Variants in OSBPL3 observed in about 807,000 individuals in gnomAD.
The protein encoded by OSBPL3 is oxysterol-binding protein-related protein 3.
A neutral mutation model predicts 120.1 loss-of-function variants in OSBPL3; 65 were observed. The ratio of observed to expected loss-of-function variants is 0.54; its 90% CI spans 0.44 to 0.67. The LOEUF is 0.67. Among genes scored for constraint, OSBPL3 ranks in the 30% least tolerant of loss-of-function variants. The pLI is 0.00. For missense variants in OSBPL3, 1,004 were observed against 1,082.1 expected (o/e 0.93, Z 1.01); for synonymous variants, 416 against 402.6 (o/e 1.03, Z -0.40).
chr7:24,951,524 C>G (rs780255283), intron 1 of OSBPL3, among the ~76,000 whole-genome samples: 1 of 152,136 alleles, frequency 6.6e-6, no homozygotes, highest in East Asian at 1.9e-4. Context: ...GGAAAGAAAT[C>G]TGGTTTACAA....
chr7:24,908,982 T>C (rs1335944655), intron 1 of OSBPL3, among the ~76,000 whole-genome samples: 1 of 152,204 alleles, frequency 6.6e-6, no homozygotes, highest in African/African-American at 2.4e-5. Flanking sequence ...TGCGTGTCCT[T>C]TTCAAGCACA....
intron 12 of OSBPL3, among the ~76,000 whole-genome samples, chr7:24,844,086 T>C (rs1408473540): frequency 6.6e-6 from 1 of 152,226 alleles, no homozygotes; most frequent in African/African-American, 2.4e-5. Context: ...GGCATCTTCT[T>C]ATATGTACTG....
At chr7:24,840,102 T>C in intron 14 of OSBPL3, among the ~76,000 whole-genome samples, 1 of 151,282 alleles carries the variant, frequency 6.6e-6, no homozygotes. Flanking sequence ...AGCAGACAAA[T>C]TTATTTGAAT....
chr7:24,836,991 T>C (rs1369990392), intron 14 of OSBPL3, among the ~76,000 whole-genome samples: 1 of 152,046 alleles, frequency 6.6e-6, no homozygotes, highest in Non-Finnish European at 1.5e-5. Flanking sequence ...CACACCAACA[T>C]GCCTGGCTAA....
intron 13 of OSBPL3, among the ~76,000 whole-genome samples, chr7:24,841,860 A>G (rs1562808314): frequency 6.6e-6 from 1 of 151,740 alleles, no homozygotes; most frequent in Non-Finnish European, 1.5e-5. Context: ...TAAAAACACA[A>G]AAATTAGCCA....
chr7:24,963,837 T>C (rs796389572), intron 1 of OSBPL3, among the ~76,000 whole-genome samples: 4 of 152,334 alleles, frequency 2.6e-5, no homozygotes, highest in African/African-American at 9.6e-5. Context: ...GAAATCAATT[T>C]AGTGGATCAA....
rs146162909 is a variant in OSBPL3, at chr7:24,830,551, G to GC, written c.1884+216dup. ...GGACACCGGCAATGCATGTAGCCAA[G>GC]CAAGTGTGCAGAATTACGGGTGGTA... On this transcript the variant is annotated intron_variant, in intron 16 of 22. Transcript: ENST00000313367. This position sits in a 1 kb window ranked among gnomAD's most constrained non-coding sequence, Gnocchi z 4.4. Among the ~76,000 whole-genome samples, 1,039 of 152,284 alleles carry GC rather than the reference G, an allele frequency of 6.8e-3. 15 individuals are homozygous for GC. The highest frequency in any genetic ancestry group is 0.023 in the African/African-American group (970 of 41,544).
intron 1 of OSBPL3, 86 bp downstream of exon 1, chr7:24,979,800 C>A (rs1818061190): frequency 2.5e-6 from 2 of 792,740 alleles, no homozygotes; most frequent in Non-Finnish European, 3.1e-6. Context: ...CCGCGGCGCC[C>A]CGCAAACAGC....
intron 10 of OSBPL3, among the ~76,000 whole-genome samples, chr7:24,860,620 A>G (rs1259147949): frequency 2.0e-5 from 3 of 152,140 alleles, no homozygotes; most frequent in East Asian, 3.8e-4. Flanking sequence ...TTTATAAATT[A>G]CCCAGTTTCG....
chr7:24,917,403 T>TATATATATATATATATATATATTTGTAAC lies in OSBPL3; in HGVS notation c.-149-24783_-149-24782insGTTACAAATATATATATATATATATATAT, dbSNP rs1562924681. Among the ~76,000 whole-genome samples the TATATATATATATATATATATATTTGTAAC allele has an allele frequency of 6.3e-4, 48 of 76,088 alleles. 2 individuals carry two copies. The highest frequency in any genetic ancestry group is 1.4e-3 in the East Asian group (2 of 1,390). 49.9% of individuals were successfully genotyped at this position (76,088 alleles called of 152,430 possible). A position where few individuals can be genotyped will look rare whatever the true frequency, so the allele number is the denominator to read the frequency against. On this transcript the variant is annotated intron_variant, in intron 1 of 22. Coordinates refer to ENST00000313367, the MANE Select transcript of OSBPL3 (RefSeq NM_015550.4). ...GTAACATATATATATATTTGTAACA[T>TATATATATATATATATATATATTTGTAAC]ATATATATATATATATATATATATT... is the stretch of plus-strand genomic sequence containing the variant.
intron 1 of OSBPL3, among the ~76,000 whole-genome samples, chr7:24,895,124 A>T (rs1805948744): frequency 6.6e-6 from 1 of 152,198 alleles, no homozygotes; most frequent in Admixed American, 6.5e-5. Context: ...CCTCATCAGG[A>T]ATTTGGTTAA....
At position 24,851,733 on chromosome 7, in the gene OSBPL3, TA is replaced by T. The variant is rs58522303; in HGVS notation, c.1158+770del. On this transcript the variant is annotated intron_variant, in intron 11 of 22. Coordinates refer to ENST00000313367, the MANE Select transcript of OSBPL3 (RefSeq NM_015550.4). This position sits in a 1 kb window ranked among gnomAD's most constrained non-coding sequence, Gnocchi z 4.1. ...CTCTAGCCTCCTGATAGATTCAGGG[TA>T]AAAAAAAAAAAACGAGATAACTTTA... Among the ~76,000 whole-genome samples the T allele has an allele frequency of 4.2e-4, 61 of 143,662 alleles. No individual in the cohort carries two copies. The highest frequency in any genetic ancestry group is 1.2e-3 in the Admixed American group (17 of 14,540). The allele number at this position is 143,662 out of a possible 152,430, so 94.2% of individuals were successfully genotyped here. A position where few individuals can be genotyped will look rare whatever the true frequency, so the allele number is the denominator to read the frequency against.
rs1041914632 is a variant in OSBPL3 at position 24,940,321 on chromosome 7, T to A, written c.-150+39565A>T. On this transcript the variant is annotated intron_variant, in intron 1 of 22. Coordinates refer to ENST00000313367, the MANE Select transcript of OSBPL3 (RefSeq NM_015550.4). The surrounding 1 kb of genome is among the most constrained non-coding windows in gnomAD (Gnocchi z 4.4). ...AGTGGACTGTTGTGTTGAAACACAG[T>A]TGGAGAAAGAAATGAATCCTATAGA... Among the ~76,000 whole-genome samples the A allele has an allele frequency of 3.3e-5, 5 of 151,910 alleles. No individual in the cohort carries two copies. The highest frequency in any genetic ancestry group is 2.6e-4 in the Admixed American group (4 of 15,260).
At chr7:24,840,622 A>C (rs748847655) in intron 14 of OSBPL3, 68 bp downstream of exon 14, 3 of 646,562 alleles carry the variant, frequency 4.6e-6, no homozygotes, top group Non-Finnish European at 8.0e-6. Context: ...TTCAAGAGTC[A>C]ACTATACAAC....
rs1815485525 is a variant in OSBPL3, at chr7:24,959,606, C to T, written c.-150+20280G>A. Among the ~76,000 whole-genome samples, 1 of 152,184 alleles carries T rather than the reference C, an allele frequency of 6.6e-6. No homozygotes were observed. Among genetic ancestry groups the T allele is most frequent in the South Asian group, 2.1e-4 (1 of 4,832 alleles). ...TGTTTCTTGTTCTGGACGCTGGTTA[C>T]ACAGGTTATTTATCTTCTGAAAACT... On this transcript the variant is annotated intron_variant, in intron 1 of 22. Coordinates refer to ENST00000313367, the MANE Select transcript of OSBPL3 (RefSeq NM_015550.4). The surrounding 1 kb of genome is among the most constrained non-coding windows in gnomAD (Gnocchi z 4.3).
Position 24,972,232 on chromosome 7 carries a change from A to G in OSBPL3, c.-150+7654T>C, listed in dbSNP as rs1224416159. On this transcript the variant is annotated intron_variant, in intron 1 of 22. Transcript: ENST00000313367. The surrounding 1 kb of genome is among the most constrained non-coding windows in gnomAD (Gnocchi z 4.3). ...AGAGAGAAATTCAAAACCTCAAATCAAAAGAGGAGTTAAGGCCTCCTCCCA... is the reference window on the plus strand; with the variant it reads ...AGAGAGAAATTCAAAACCTCAAATCGAAAGAGGAGTTAAGGCCTCCTCCCA... 6.6e-6 allele frequency among the ~76,000 whole-genome samples: 1 copy of G among 152,208 alleles called. No homozygotes were observed. Among genetic ancestry groups the G allele is most frequent in the Non-Finnish European group, 1.5e-5 (1 of 68,044 alleles).
intron 1 of OSBPL3, among the ~76,000 whole-genome samples, chr7:24,935,842 CA>C (rs199821511): frequency 7.4e-5 from 11 of 149,410 alleles, no homozygotes; most frequent in Middle Eastern, 3.4e-3. Context: ...AGAAAAAGAC[CA>C]AAAAAAAGGT....
rs1229051214 is a variant in OSBPL3 at position 24,830,530 on chromosome 7, A to G, written c.1884+238T>C. Among the ~76,000 whole-genome samples the G allele has an allele frequency of 2.0e-5, 3 of 152,118 alleles. No homozygotes were observed. The highest frequency in any genetic ancestry group is 2.9e-5 in the Non-Finnish European group (2 of 68,034). ...GCTAATGATTTTAAAGAGAAAGGAC[A>G]CCGGCAATGCATGTAGCCAAGCAAG... On this transcript the variant is annotated intron_variant, in intron 16 of 22. Transcript: ENST00000313367. This position sits in a 1 kb window ranked among gnomAD's most constrained non-coding sequence, Gnocchi z 4.4.
In OSBPL3 at chr7:24,821,126, G is replaced by C. The variant is rs1475021313; in HGVS notation, c.1885-888C>G. 6.6e-6 allele frequency among the ~76,000 whole-genome samples: 1 copy of C among 152,180 alleles called. No individual in the cohort carries two copies. The highest frequency in any genetic ancestry group is 1.9e-4 in the East Asian group (1 of 5,204). On this transcript the variant is annotated intron_variant, in intron 16 of 22. Coordinates refer to ENST00000313367, the MANE Select transcript of OSBPL3 (RefSeq NM_015550.4). This position sits in a 1 kb window ranked among gnomAD's most constrained non-coding sequence, Gnocchi z 5.5. ...GTGAAACCACAGTAATGCTGCCAAG[G>C]GTGTTTCCAGAAAGTTCTCTGATGT...
Sources: allele counts gnomAD v4.1 joint callset (sites outside exome capture counted in the v4.1 genomes callset), GRCh38; gene constraint gnomAD v4.1.1; non-coding constraint Gnocchi (gnomAD v3.1); transcripts MANE v1.5; gene names NCBI Gene and HGNC (gene_info 2026-07-23, HGNC 2026-07-21).